The following EPB41L4A variants were observed in gnomAD, a reference collection of about 807,000 sequenced individuals.
The protein encoded by EPB41L4A is band 4.1-like protein 4A.
EPB41L4A carries 100 observed loss-of-function variants against 108.6 expected under a neutral mutation model. The ratio of observed to expected loss-of-function variants is 0.92; its 90% CI spans 0.78 to 1.09. The LOEUF (loss-of-function observed/expected upper bound fraction) is 1.09. Ranked by LOEUF, EPB41L4A falls within the 50% of genes least tolerant of loss-of-function variation. The probability of loss-of-function intolerance (pLI) is 0.00; values close to 1 mark genes in which losing one functional copy is unlikely to be tolerated. For synonymous variants in EPB41L4A, 319 were observed against 289.0 expected (o/e 1.10, Z -1.05); for missense variants, 1,030 against 842.7 (o/e 1.22, Z -2.75).
intron 1 of EPB41L4A, among the ~76,000 whole-genome samples, chr5:112,342,477 G>A (rs947663079): frequency 3.3e-5 from 5 of 152,228 alleles, no homozygotes; most frequent in African/African-American, 9.6e-5. Context: ...AGATTTTACA[G>A]AGTTGCAAAA....
intron 2 of EPB41L4A, among the ~76,000 whole-genome samples, chr5:112,289,645 G>C (rs1462576826): frequency 6.6e-6 from 1 of 152,154 alleles, no homozygotes; most frequent in East Asian, 1.9e-4. Context: ...CAACAACACA[G>C]AGAGTCCACA....
At chr5:112,211,756 T>C (rs905763117) in intron 12 of EPB41L4A, among the ~76,000 whole-genome samples, 18 of 152,162 alleles carry the variant, frequency 1.2e-4, no homozygotes, top group African/African-American at 4.3e-4. Context: ...TCAGGAAAGA[T>C]AAACATTAAT....
rs910936189 is a variant in EPB41L4A, at chr5:112,375,949, T to C, written c.99+42992A>G. Among the ~76,000 whole-genome samples the C allele has an allele frequency of 5.9e-5, 9 of 152,236 alleles. No homozygotes were observed. The South Asian group carries it at 1.5e-3, about 25-fold the overall frequency. On this transcript the variant is annotated intron_variant, in intron 1 of 22. Coordinates refer to ENST00000261486, the MANE Select transcript of EPB41L4A (RefSeq NM_022140.5). The stretch of plus-strand genomic sequence containing the variant: ...TCTGTGCCTCCAAGGGGTTAGGGTA[T>C]GAAAAAGAGGCAAGATAACTGTCCC...
rs1387325610 is a variant in EPB41L4A at position 112,198,339 on chromosome 5, G to A, written c.1377-2631C>T. Among the ~76,000 whole-genome samples, 8 of 152,086 alleles carry A rather than the reference G, an allele frequency of 5.3e-5. No individual in the cohort carries two copies. In the South Asian group the frequency reaches 6.2e-4, roughly 12 times the overall value. On this transcript the variant is annotated intron_variant, in intron 15 of 22. Coordinates refer to ENST00000261486, the MANE Select transcript of EPB41L4A (RefSeq NM_022140.5). ...TGAGCCACCGTACATGGCTCCCAAT[G>A]TCATTTTGATTTGTCACTATTTGTA...
Position 112,259,808 on chromosome 5 carries a change from C to T in EPB41L4A, c.731+83G>A, listed in dbSNP as rs148321865. ...CACCCACTGGAAATATACCTGTTTTCTTTTCCCCAACTCTTTCACTGACAC... is the reference window on the plus strand; with the variant it reads ...CACCCACTGGAAATATACCTGTTTTTTTTTCCCCAACTCTTTCACTGACAC... On this transcript the variant is annotated intron_variant, in intron 8 of 22. Transcript: ENST00000261486. The T allele has an allele frequency of 2.9e-4, 290 of 1,007,952 alleles. No individual in the cohort carries two copies. In the East Asian group the frequency reaches 6.9e-3, roughly 24 times the overall value. 62.4% of individuals were successfully genotyped at this position (1,007,952 alleles called of 1,614,324 possible).
chr5:112,384,263 G>A (rs551131341), intron 1 of EPB41L4A, among the ~76,000 whole-genome samples: 6 of 152,214 alleles, frequency 3.9e-5, no homozygotes, highest in African/African-American at 1.2e-4. Flanking sequence ...ACTCCATCTC[G>A]ATAAAACTGT....
intron 1 of EPB41L4A, among the ~76,000 whole-genome samples, chr5:112,380,822 C>G: frequency 7.8e-6 from 1 of 128,924 alleles, no homozygotes; most frequent in Admixed American, 7.9e-5. Flanking sequence ...CACACACACA[C>G]ACACACAATT....
chr5:112,360,600 A>T (rs1378896626), intron 1 of EPB41L4A, among the ~76,000 whole-genome samples: 3 of 152,152 alleles, frequency 2.0e-5, no homozygotes, highest in Non-Finnish European at 2.9e-5. Context: ...GCTGGAGTGC[A>T]GTGGCGTGAT....
At position 112,227,628 on chromosome 5, in the gene EPB41L4A, G is replaced by A. The variant is rs569644531; in HGVS notation, c.1087+7006C>T. Reference sequence around the variant, plus strand: ...CTTACTGGATCGCACTGATACATCCGTCTCTATTCAGATAACTCACCTTTC... The same window carrying A: ...CTTACTGGATCGCACTGATACATCCATCTCTATTCAGATAACTCACCTTTC... On this transcript the variant is annotated intron_variant, in intron 12 of 22. Transcript: ENST00000261486. 1.8e-3 allele frequency among the ~76,000 whole-genome samples: 278 copies of A among 152,262 alleles called. 1 individual carries two copies. The highest frequency in any genetic ancestry group is 3.2e-3 in the Non-Finnish European group (220 of 68,014).
exon 13 of EPB41L4A, chr5:112,145,911 G>C (rs1393282649): frequency 2.2e-6 from 1 of 456,704 alleles, no homozygotes; most frequent in Admixed American, 2.3e-5. Flanking sequence ...TCATCCAGAA[G>C]TGTATTATGA....
intron 1 of EPB41L4A, among the ~76,000 whole-genome samples, chr5:112,373,269 C>A (rs1759609890): frequency 6.6e-6 from 1 of 152,184 alleles, no homozygotes; most frequent in Non-Finnish European, 1.5e-5. Flanking sequence ...GGGTTAAGAG[C>A]TGACAGAACC....
At chr5:112,145,690 C>T (rs1386605572) in intron 13 of EPB41L4A, among the ~76,000 whole-genome samples, 2 of 152,176 alleles carry the variant, frequency 1.3e-5, no homozygotes, top group Non-Finnish European at 2.9e-5. Flanking sequence ...CTTGATTTGA[C>T]CATTTAATTT....
At chr5:112,223,238 C>A (rs532640146) in intron 12 of EPB41L4A, among the ~76,000 whole-genome samples, 1 of 152,152 alleles carries the variant, frequency 6.6e-6, no homozygotes, top group Non-Finnish European at 1.5e-5. Context: ...CCGTGCCCGA[C>A]CGAAAGTAGT....
downstream of EPB41L4A, chr5:112,161,968 A>G: frequency 6.4e-6 from 1 of 156,980 alleles, no homozygotes; most frequent in South Asian, 1.8e-4. Context: ...ATACTTCCTG[A>G]GAAGCCCAGG....
At chr5:112,305,678 G>C (rs1476772459) in intron 2 of EPB41L4A, among the ~76,000 whole-genome samples, 2 of 152,182 alleles carry the variant, frequency 1.3e-5, no homozygotes, top group African/African-American at 4.8e-5. Flanking sequence ...GACAATACAT[G>C]TGAACATGCA....
chr5:112,396,733 G>GAA (rs1761378049), intron 1 of EPB41L4A, among the ~76,000 whole-genome samples: 1 of 151,996 alleles, frequency 6.6e-6, no homozygotes, highest in South Asian at 2.1e-4. Context: ...GAGAGAGAGA[G>GAA]AAACAGACAG....
At chr5:112,307,515 T>G in intron 1 of EPB41L4A, 25 bp from the exon 2 acceptor site, 1 of 1,511,630 alleles carries the variant, frequency 6.6e-7, no homozygotes, top group Non-Finnish European at 9.2e-7. Flanking sequence ...CAGTTTTATA[T>G]TTTTTAACTG....
intron 1 of EPB41L4A, among the ~76,000 whole-genome samples, chr5:112,401,142 C>T (rs1376063201): frequency 6.6e-6 from 1 of 152,158 alleles, no homozygotes; most frequent in Non-Finnish European, 1.5e-5. Context: ...TATCTGTCCC[C>T]TATCTATGAG....
chr5:112,253,129 C>G (rs939061158), intron 9 of EPB41L4A, among the ~76,000 whole-genome samples: 1 of 152,062 alleles, frequency 6.6e-6, no homozygotes, highest in Non-Finnish European at 1.5e-5. Flanking sequence ...AAGTATCTCC[C>G]CACAGACTAC....
Sources: allele counts gnomAD v4.1 joint callset (sites outside exome capture counted in the v4.1 genomes callset), GRCh38; gene constraint gnomAD v4.1.1; transcripts MANE v1.5; gene names NCBI Gene and HGNC (gene_info 2026-07-23, HGNC 2026-07-21).